DNAJB6: variants seen among roughly 807,000 people sequenced by gnomAD.
DNAJB6 encodes dnaJ homolog subfamily B member 6.
In DNAJB6, 16 loss-of-function variants were observed where a neutral mutation model predicts 42.7. That is an observed-to-expected ratio of 0.37 (90% confidence interval 0.25 to 0.57). The LOEUF (loss-of-function observed/expected upper bound fraction) is 0.57, where lower values mean the gene tolerates loss of function less well. Among genes scored for constraint, DNAJB6 ranks in the 20% least tolerant of loss-of-function variants. The pLI is 0.74. For synonymous variants in DNAJB6, 170 were observed against 163.5 expected, an observed-to-expected ratio of 1.04 and a Z score of -0.30; for missense variants, 347 against 416.8, an observed-to-expected ratio of 0.83 and a Z score of 1.46.
In DNAJB6 at chr7:157,403,744, C is replaced by T. The variant is rs563178778; in HGVS notation, c.692-6051C>T. ...ATTTTGGGGTCCTGAGATTCATTGT[C>T]GTTTCACAATACCTTGTTTCCCAAA... On this transcript the variant is annotated intron_variant, in intron 8 of 9. Transcript: ENST00000262177. Among the ~76,000 whole-genome samples the T allele has an allele frequency of 7.5e-4, 115 of 152,352 alleles. 1 individual carries two copies. The highest frequency in any genetic ancestry group is 2.3e-3 in the African/African-American group (96 of 41,576).
At chr7:157,397,069 G>A (rs1200051308) in intron 8 of DNAJB6, among the ~76,000 whole-genome samples, 4 of 152,234 alleles carry the variant, frequency 2.6e-5, no homozygotes, top group East Asian at 3.8e-4. Context: ...CGATGTGGAC[G>A]TGTGCACGCG....
chr7:157,360,203 G>T (rs1006192924), intron 2 of DNAJB6, among the ~76,000 whole-genome samples: 35 of 152,202 alleles, frequency 2.3e-4, no homozygotes, highest in Non-Finnish European at 1.5e-5. Context: ...CAATCATGGA[G>T]GAGGGCGAAA....
chr7:157,394,058 CTTA>C (rs1229957701), intron 8 of DNAJB6, among the ~76,000 whole-genome samples: 1 of 152,168 alleles, frequency 6.6e-6, no homozygotes, highest in Non-Finnish European at 1.5e-5. Flanking sequence ...TTTCTCATAT[CTTA>C]TTATTATCCT....
chr7:157,387,079 C>A (rs1019818008), intron 8 of DNAJB6, among the ~76,000 whole-genome samples: 1 of 152,194 alleles, frequency 6.6e-6, no homozygotes, highest in Non-Finnish European at 1.5e-5. Context: ...TGACAAACAG[C>A]GTAGCGTGTT....
intron 1 of DNAJB6, among the ~76,000 whole-genome samples, chr7:157,353,481 A>G (rs537989207): frequency 3.0e-4 from 46 of 151,848 alleles, no homozygotes; most frequent in Non-Finnish European, 5.7e-4. Context: ...TTTTTCTGCT[A>G]ATGTCCTTTT....
chr7:157,360,517 G>T (rs1424776572), intron 2 of DNAJB6, among the ~76,000 whole-genome samples: 1 of 152,212 alleles, frequency 6.6e-6, no homozygotes, highest in Non-Finnish European at 1.5e-5. Context: ...TCATTAGAGA[G>T]TAGATTGGTT....
chr7:157,393,645 G>A (rs1319394581), intron 8 of DNAJB6, among the ~76,000 whole-genome samples: 1 of 152,124 alleles, frequency 6.6e-6, no homozygotes, highest in African/African-American at 2.4e-5. Flanking sequence ...CATTTGTTTC[G>A]TGCACATTTC....
chr7:157,396,838 TCAAGTC>T (rs1161077857), intron 8 of DNAJB6, among the ~76,000 whole-genome samples: 1 of 151,422 alleles, frequency 6.6e-6, no homozygotes, highest in Non-Finnish European at 1.5e-5. Flanking sequence ...TTCAGACAGT[TCAAGTC>T]TAAGGGGTTT....
At position 157,404,741 on chromosome 7, in the gene DNAJB6, A is replaced by G. The variant is rs571946841; in HGVS notation, c.692-5054A>G. ...GGCTGGTCTCAAACTCCTGACCTCA[A>G]GTGATCCGCCTGCCTCAGCCTCTCA... On this transcript the variant is annotated intron_variant, in intron 8 of 9. Coordinates refer to ENST00000262177, the MANE Select transcript of DNAJB6 (RefSeq NM_058246.4). Among the ~76,000 whole-genome samples, 14 of 152,066 alleles carry G rather than the reference A, an allele frequency of 9.2e-5. No homozygotes were observed. The East Asian group carries it at 2.5e-3, about 27-fold the overall frequency.
intron 8 of DNAJB6, among the ~76,000 whole-genome samples, chr7:157,389,114 A>G (rs936867607): frequency 6.6e-6 from 1 of 152,194 alleles, no homozygotes; most frequent in South Asian, 2.1e-4. Flanking sequence ...GTTCCTTACA[A>G]TGTGGAAACG....
intron 6 of DNAJB6, 97 bp downstream of exon 6, chr7:157,382,474 T>G: frequency 7.4e-7 from 1 of 1,349,434 alleles, no homozygotes. Flanking sequence ...AAAATATGTG[T>G]ATACCTTTCG....
intron 1 of DNAJB6, among the ~76,000 whole-genome samples, chr7:157,351,330 A>C (rs963832509): frequency 2.6e-5 from 4 of 152,116 alleles, no homozygotes; most frequent in Non-Finnish European, 5.9e-5. Context: ...CAAAAACTCT[A>C]TTAAAAAACT....
intron 8 of DNAJB6, among the ~76,000 whole-genome samples, chr7:157,406,494 C>T (rs1285667339): frequency 6.6e-6 from 1 of 152,242 alleles, no homozygotes; most frequent in East Asian, 1.9e-4. Context: ...CGTGTGCCAG[C>T]CCCAGCCTTC....
chr7:157,370,512 T>C (rs74741412), intron 5 of DNAJB6, among the ~76,000 whole-genome samples: 3,245 of 152,338 alleles, frequency 0.021, 44 homozygotes, highest in East Asian at 0.055. Flanking sequence ...AGCTAATTTT[T>C]GTTTTCCTTG....
At chr7:157,415,888 C>A in intron 9 of DNAJB6, 128 bp from the exon 10 acceptor site, 1 of 1,545,050 alleles carries the variant, frequency 6.5e-7, no homozygotes, top group Admixed American at 1.8e-5. Flanking sequence ...TTAGCTGTGG[C>A]CAAGATAGAT....
chr7:157,342,375 T>C (rs1174273849), intron 1 of DNAJB6, among the ~76,000 whole-genome samples: 2 of 146,688 alleles, frequency 1.4e-5, no homozygotes, highest in African/African-American at 5.1e-5. Context: ...TTCACTCTTG[T>C]TGCCCAGGCT....
chr7:157,342,513 T>C, intron 1 of DNAJB6, among the ~76,000 whole-genome samples: 1 of 151,978 alleles, frequency 6.6e-6, no homozygotes, highest in East Asian at 1.9e-4. Flanking sequence ...AATTTTGTAT[T>C]TTTAGTAGAG....
intron 4 of DNAJB6, among the ~76,000 whole-genome samples, 176 bp downstream of exon 4, chr7:157,366,737 C>T (rs111971501): frequency 1.3e-5 from 2 of 150,206 alleles, no homozygotes; most frequent in Non-Finnish European, 3.0e-5. Flanking sequence ...AAGTCTTTTA[C>T]GAGACTAGAA....
At chr7:157,347,884 C>T (rs1377420197) in intron 1 of DNAJB6, among the ~76,000 whole-genome samples, 1 of 152,168 alleles carries the variant, frequency 6.6e-6, no homozygotes, top group Non-Finnish European at 1.5e-5. Flanking sequence ...CAACCTCTGC[C>T]TCCCGGGCTC....
Sources: gnomAD v4.1 joint callset for allele counts (sites outside exome capture counted in the v4.1 genomes callset) on GRCh38, gnomAD v4.1.1 for gene constraint, MANE v1.5 for transcripts, NCBI Gene and HGNC (gene_info 2026-07-23, HGNC 2026-07-21) for gene names.